ATP11A: variants seen among roughly 807,000 people sequenced by gnomAD.
ATP11A encodes the protein phospholipid-transporting ATPase IH.
A neutral mutation model predicts 154.4 loss-of-function variants in ATP11A; 81 were observed. That is an observed-to-expected ratio of 0.52 (90% CI 0.44 to 0.63). The LOEUF (loss-of-function observed/expected upper bound fraction) is 0.63. Among genes scored for constraint, ATP11A ranks in the 30% least tolerant of loss-of-function variants. The probability of loss-of-function intolerance (pLI) is 0.00; values close to 1 mark genes in which losing one functional copy is unlikely to be tolerated. For synonymous variants in ATP11A, 623 were observed against 585.9 expected, an observed-to-expected ratio of 1.06 and a Z score of -0.91; for missense variants, 1,316 against 1,474.3, an observed-to-expected ratio of 0.89 and a Z score of 1.76.
chr13:112,814,820 G>A (rs567495174), intron 5 of ATP11A, among the ~76,000 whole-genome samples: 142 of 152,274 alleles, frequency 9.3e-4, no homozygotes, highest in African/African-American at 3.3e-3. Flanking sequence ...TTTCAAGGTT[G>A]TTTTAGCTAT....
In ATP11A at chr13:112,825,431, TC is replaced by T; in HGVS notation, c.875del (p.Ser292Ter). 1 of 1,608,522 alleles carries T rather than the reference TC, an allele frequency of 6.2e-7. No homozygotes were observed. The highest frequency in any genetic ancestry group is 8.5e-7 in the Non-Finnish European group (1 of 1,177,234). On this transcript the variant is annotated frameshift_variant and splice_region_variant, in exon 11 of 30. Transcript: ENST00000375645. LOFTEE classifies it high-confidence loss of function. ...KSQKRSAVEK[S>X]MNAFLIVYLC... ...ATCACCTCTGTCCTTTTGTTTTAGA[TC>T]GATGAATGCGTTCCTCATTGTGTAT... is the stretch of plus-strand genomic sequence containing the variant.
intron 25 of ATP11A, among the ~76,000 whole-genome samples, chr13:112,870,130 G>T (rs1391900921): frequency 6.6e-6 from 1 of 152,194 alleles, no homozygotes; most frequent in Non-Finnish European, 1.5e-5. Context: ...GAAGGAGGAG[G>T]CCCACTTCTG....
chr13:112,773,201 TCCTGC>T (rs113451894), intron 1 of ATP11A, among the ~76,000 whole-genome samples: 17,253 of 151,586 alleles, frequency 0.11, 1,629 homozygotes, highest in African/African-American at 0.25. Context: ...CTGTGGCGCC[TCCTGC>T]CCTGCCCTGC....
At position 112,875,888 on chromosome 13, in the gene ATP11A, C is replaced by T; in HGVS notation, c.3274C>T (p.Leu1092Phe). ...LVTISLLPDVLKKVLCRQLWP... is the reference protein window; with the variant it reads ...LVTISLLPDVFKKVLCRQLWP... ...GACCATCAGCCTCCTTCCCGACGTC[C>T]TCAAGAAAGTCCTGTGCCGGCAGCT... The change falls in exon 28 of 30, where the codon CTC (leucine) becomes TTC (phenylalanine). Residue 1092 changes from leucine (L) to phenylalanine (F), a missense_variant. Physicochemically the swap from Leu to Phe is conservative, Grantham distance 22. This residue lies in a region of ATP11A where 294 missense variants were observed against 290.2 expected (regional missense o/e 1.01). Coordinates refer to ENST00000375645, the MANE Select transcript of ATP11A (RefSeq NM_015205.3). The surrounding 1 kb of genome is among the most constrained non-coding windows in gnomAD (Gnocchi z 4.1). 6.2e-7 allele frequency: 1 copy of T among 1,613,664 alleles called. No homozygotes were observed. Among genetic ancestry groups the T allele is most frequent in the Non-Finnish European group, 8.5e-7 (1 of 1,180,026 alleles).
intron 1 of ATP11A, among the ~76,000 whole-genome samples, chr13:112,755,081 T>C (rs1028728585): frequency 1.3e-5 from 2 of 152,244 alleles, no homozygotes; most frequent in African/African-American, 4.8e-5. Flanking sequence ...TGTGGGCCGA[T>C]GAAATGCGAC....
At chr13:112,872,309 T>C (rs2080548794) in intron 26 of ATP11A, among the ~76,000 whole-genome samples, 1 of 152,224 alleles carries the variant, frequency 6.6e-6, no homozygotes, top group African/African-American at 2.4e-5. Context: ...AAACAACACC[T>C]GACTCTAAAG....
intron 13 of ATP11A, 69 bp downstream of exon 13, chr13:112,831,617 C>T (rs2079088459): frequency 5.8e-6 from 9 of 1,545,024 alleles, no homozygotes; most frequent in South Asian, 4.8e-5. Context: ...GAGTCCACCC[C>T]TTTTCACTCG....
At chr13:112,750,872 A>C (rs916773083) in intron 1 of ATP11A, among the ~76,000 whole-genome samples, 4 of 152,242 alleles carry the variant, frequency 2.6e-5, no homozygotes, top group Non-Finnish European at 4.4e-5. Context: ...AATTACCGTC[A>C]TCATGATATT....
At chr13:112,846,643 T>C (rs1414294414) in intron 17 of ATP11A, among the ~76,000 whole-genome samples, 1 of 152,210 alleles carries the variant, frequency 6.6e-6, no homozygotes, top group Admixed American at 6.5e-5. Context: ...CCAGCCACAG[T>C]GTTGCACAGT....
intron 18 of ATP11A, among the ~76,000 whole-genome samples, chr13:112,853,915 G>T (rs1487746982): frequency 6.6e-6 from 1 of 152,108 alleles, no homozygotes; most frequent in Non-Finnish European, 1.5e-5. Context: ...TCTTTCCATG[G>T]TTGAGACATT....
intron 1 of ATP11A, among the ~76,000 whole-genome samples, chr13:112,747,646 G>A (rs1449915999): frequency 2.6e-5 from 4 of 152,150 alleles, no homozygotes; most frequent in African/African-American, 9.7e-5. Context: ...GACCGGCCTG[G>A]CCAACATGGG....
chr13:112,873,730 T>C, intron 27 of ATP11A, 54 bp downstream of exon 27: 3 of 1,544,654 alleles, frequency 1.9e-6, no homozygotes, highest in Non-Finnish European at 2.7e-6. Context: ...GGTTGTTATT[T>C]TTTTATCAAG....
At chr13:112,845,699 G>GC (rs1555338122) in intron 17 of ATP11A, among the ~76,000 whole-genome samples, 2 of 115,660 alleles carry the variant, frequency 1.7e-5, no homozygotes, top group Non-Finnish European at 3.4e-5. Flanking sequence ...CAGTCCAGTT[G>GC]CTGGCACTAG....
At position 112,859,262 on chromosome 13, in the gene ATP11A, CAT is replaced by C; in HGVS notation, c.2668-130_2668-129del. The C allele has an allele frequency of 2.6e-6, 2 of 768,610 alleles. No individual in the cohort carries two copies. Among genetic ancestry groups the C allele is most frequent in the South Asian group, 1.5e-5 (1 of 68,646 alleles). The allele number at this position is 768,610 out of a possible 1,614,324, so 47.6% of individuals were successfully genotyped here. ...AAATAAGAGAAAGCTTTCTAGAACC[CAT>C]TAGTGCTGTTCTGCCGCACGCTGGG... On this transcript the variant is annotated intron_variant, in intron 22 of 29. Coordinates refer to ENST00000375645, the MANE Select transcript of ATP11A (RefSeq NM_015205.3). The surrounding 1 kb of genome is among the most constrained non-coding windows in gnomAD (Gnocchi z 4.3).
chr13:112,784,725 G>C (rs1046716876), intron 1 of ATP11A, among the ~76,000 whole-genome samples: 2 of 152,064 alleles, frequency 1.3e-5, no homozygotes, highest in Non-Finnish European at 2.9e-5. Context: ...GGGTTTCACC[G>C]TGTTAGCCAG....
intron 1 of ATP11A, among the ~76,000 whole-genome samples, chr13:112,768,122 C>G (rs963240299): frequency 6.6e-6 from 1 of 152,254 alleles, no homozygotes; most frequent in Non-Finnish European, 1.5e-5. Flanking sequence ...TTCCTCTCTG[C>G]CTTCCTCCGA....
Position 112,838,850 on chromosome 13 carries a change from C to T in ATP11A, c.1705+2599C>T, listed in dbSNP as rs1266566870. ...TGAATATGTAATTAAGCAAGGTGTT[C>T]TGTAAGTAGTAGTCATCCCCGGAGA... On this transcript the variant is annotated intron_variant, in intron 16 of 29. Transcript: ENST00000375645. This position sits in a 1 kb window ranked among gnomAD's most constrained non-coding sequence, Gnocchi z 7.3. Among the ~76,000 whole-genome samples, 2 of 152,182 alleles carry T rather than the reference C, an allele frequency of 1.3e-5. No homozygotes were observed. Among genetic ancestry groups the T allele is most frequent in the African/African-American group, 4.8e-5 (2 of 41,442 alleles).
intron 1 of ATP11A, among the ~76,000 whole-genome samples, chr13:112,778,256 T>C (rs1410029713): frequency 6.6e-6 from 1 of 152,210 alleles, no homozygotes; most frequent in Admixed American, 6.5e-5. Context: ...TGAGGTGCAG[T>C]AGGCGGAGGT....
At chr13:112,850,446 C>T (rs2079732739) in intron 17 of ATP11A, among the ~76,000 whole-genome samples, 1 of 152,178 alleles carries the variant, frequency 6.6e-6, no homozygotes, top group South Asian at 2.1e-4. Flanking sequence ...CTGGTGGCGG[C>T]TGCATTCTCT....
Sources: allele counts gnomAD v4.1 joint callset (sites outside exome capture counted in the v4.1 genomes callset), GRCh38; gene constraint gnomAD v4.1.1; regional missense constraint gnomAD v4.1.1; non-coding constraint Gnocchi (gnomAD v3.1); transcripts MANE v1.5; gene names NCBI Gene and HGNC (gene_info 2026-07-23, HGNC 2026-07-21).